CDIN1: variants seen among roughly 807,000 people sequenced by gnomAD.
The protein encoded by CDIN1 is CDAN1 interacting nuclease 1, also known as CDAN1-interacting nuclease 1.
In CDIN1, 33 loss-of-function variants were observed where a neutral mutation model predicts 45.3. That is an observed-to-expected ratio of 0.73 (90% CI 0.55 to 0.97). The LOEUF is 0.97. CDIN1 is among the 50% of genes least tolerant of loss of function. The pLI is 0.00. For missense variants in CDIN1, 303 were observed against 339.4 expected (o/e 0.89, Z 0.84); for synonymous variants, 118 against 124.4 (o/e 0.95, Z 0.34).
intron 7 of CDIN1, 130 bp downstream of exon 7, chr15:36,692,305 A>G (rs2042286732): frequency 3.6e-6 from 3 of 828,664 alleles, no homozygotes; most frequent in Admixed American, 2.8e-5. Flanking sequence ...TTTACATTCA[A>G]TCAACTGGAG....
At chr15:36,686,756 G>T (rs1044359990) in intron 5 of CDIN1, among the ~76,000 whole-genome samples, 1 of 148,558 alleles carries the variant, frequency 6.7e-6, no homozygotes, top group African/African-American at 2.5e-5. Context: ...GAGAAGGGAG[G>T]GACAGAGGGA....
At chr15:36,626,467 G>C (rs745395307) in intron 1 of CDIN1, among the ~76,000 whole-genome samples, 7 of 152,030 alleles carry the variant, frequency 4.6e-5, no homozygotes, top group Non-Finnish European at 1.0e-4. Context: ...CACAATCATT[G>C]CTTTCCACCG....
At chr15:36,606,900 G>T (rs373536609) in intron 1 of CDIN1, among the ~76,000 whole-genome samples, 1 of 152,110 alleles carries the variant, frequency 6.6e-6, no homozygotes, top group South Asian at 2.1e-4. Flanking sequence ...CTCTAGTAAG[G>T]TTGCCACCTG....
chr15:36,618,729 A>G, intron 1 of CDIN1: 1 of 777,876 alleles, frequency 1.3e-6, no homozygotes, highest in South Asian at 1.3e-5. Flanking sequence ...CTCCATGTGC[A>G]GCTGAGCCTA....
chr15:36,706,712 C>G (rs1009959016), intron 8 of CDIN1: 5 of 152,086 alleles, frequency 3.3e-5, no homozygotes, highest in African/African-American at 9.7e-5. Context: ...AGATGAACCT[C>G]AGATGAACAT....
intron 1 of CDIN1, among the ~76,000 whole-genome samples, chr15:36,580,411 A>G (rs2036988669): frequency 6.6e-6 from 1 of 152,166 alleles, no homozygotes; most frequent in Admixed American, 6.5e-5. Context: ...ATACTGTTTG[A>G]CTGTGGCTTG....
At chr15:36,618,957 A>G (rs1200964299) in intron 1 of CDIN1, 6 of 1,553,394 alleles carry the variant, frequency 3.9e-6, no homozygotes, top group East Asian at 4.5e-5. Flanking sequence ...GTTATGCTGA[A>G]GTGTGCCAGA....
intron 5 of CDIN1, among the ~76,000 whole-genome samples, chr15:36,686,705 C>T (rs978426072): frequency 1.3e-5 from 2 of 150,646 alleles, no homozygotes; most frequent in East Asian, 1.9e-4. Context: ...ATAGTGAAAC[C>T]CCGTCTCTAC....
chr15:36,723,969 T>C (rs2043529585), intron 10 of CDIN1, among the ~76,000 whole-genome samples: 1 of 152,236 alleles, frequency 6.6e-6, no homozygotes, highest in Non-Finnish European at 1.5e-5. Context: ...ACACCAATTA[T>C]GTTCAAGGTG....
intron 8 of CDIN1, among the ~76,000 whole-genome samples, chr15:36,701,122 G>GTAGATAGATAGATAGATAGA (rs200063950): frequency 9.6e-6 from 1 of 103,804 alleles, no homozygotes; most frequent in Admixed American, 9.0e-5. Flanking sequence ...AGATAGGTAG[G>GTAGATAGATAGATAGATAGA]TAGATAGATA....
chr15:36,687,562 A>G (rs1282565425), intron 5 of CDIN1, among the ~76,000 whole-genome samples: 1 of 152,214 alleles, frequency 6.6e-6, no homozygotes, highest in Non-Finnish European at 1.5e-5. Flanking sequence ...CAAAAGACAT[A>G]CTTACCAAGA....
chr15:36,580,095 G>C lies in CDIN1; in HGVS notation c.101+134G>C. ...CCAGTGTCAGGCGTTAGGAGGTCGA[G>C]GTTGGCGAAAAAAGGTTTATTCTTT... On this transcript the variant is annotated intron_variant, in intron 1 of 10. Coordinates refer to ENST00000566621, the MANE Select transcript of CDIN1 (RefSeq NM_001321759.2). 4.0e-6 allele frequency: 3 copies of C among 746,998 alleles called. No homozygotes were observed. The South Asian group carries it at 5.6e-5, about 14-fold the overall frequency. The allele number at this position is 746,998 out of a possible 1,614,324, so 46.3% of individuals were successfully genotyped here.
chr15:36,683,806 T>G (rs2041941268), intron 5 of CDIN1, among the ~76,000 whole-genome samples: 1 of 72,602 alleles, frequency 1.4e-5, no homozygotes, highest in Non-Finnish European at 2.8e-5. Flanking sequence ...CCCTTGTAAG[T>G]TGGATTCCTA....
intron 1 of CDIN1, among the ~76,000 whole-genome samples, chr15:36,632,371 G>C (rs1261838657): frequency 6.6e-6 from 1 of 152,092 alleles, no homozygotes. Flanking sequence ...GAATGTGATT[G>C]TCATGAATAA....
intron 1 of CDIN1, chr15:36,594,877 A>T: frequency 1.0e-6 from 1 of 985,262 alleles, no homozygotes; most frequent in Non-Finnish European, 1.2e-6. Context: ...GCTCTTTAAT[A>T]CCACCCCATT....
intron 5 of CDIN1, among the ~76,000 whole-genome samples, chr15:36,685,688 A>G (rs2042015933): frequency 6.6e-6 from 1 of 152,212 alleles, no homozygotes. Context: ...TCCAGAATCT[A>G]CAGTGAACTC....
chr15:36,643,096 T>A (rs530514812), intron 1 of CDIN1, among the ~76,000 whole-genome samples: 5 of 152,198 alleles, frequency 3.3e-5, no homozygotes, highest in Non-Finnish European at 7.3e-5. Flanking sequence ...AAACAGACTA[T>A]AATGGATTTA....
intron 1 of CDIN1, chr15:36,618,260 CTG>C: frequency 1.1e-5 from 7 of 665,896 alleles, no homozygotes; most frequent in South Asian, 3.5e-5. Flanking sequence ...ACAGAGGACT[CTG>C]TATCATTGGG....
In CDIN1 at chr15:36,654,173, A is replaced by G. The variant is rs2040688388; in HGVS notation, c.273+15A>G. 6.4e-7 allele frequency: 1 copy of G among 1,558,010 alleles called. No individual in the cohort carries two copies. Among genetic ancestry groups the G allele is most frequent in the South Asian group, 1.2e-5 (1 of 84,662 alleles). On this transcript the variant is annotated intron_variant, in intron 4 of 10. Transcript: ENST00000566621. The stretch of plus-strand genomic sequence containing the variant: ...TGGCCAATGAGGTAATGTTATTGTT[A>G]TGATTTTATTTAAACCTGCGTGTAA...
Sources: allele counts gnomAD v4.1 joint callset (sites outside exome capture counted in the v4.1 genomes callset), GRCh38; gene constraint gnomAD v4.1.1; transcripts MANE v1.5; gene names NCBI Gene and HGNC (gene_info 2026-07-23, HGNC 2026-07-21).